Variants in CSGALNACT1 observed in about 807,000 individuals in gnomAD.
The protein encoded by CSGALNACT1 is beta4GalNAcT-1.
Under a neutral mutation model 51.0 loss-of-function variants are expected in CSGALNACT1, and 52 were observed. The ratio of observed to expected loss-of-function variants is 1.02; its 90% CI spans 0.82 to 1.29. CSGALNACT1 has a LOEUF of 1.29. Among genes scored for constraint, CSGALNACT1 ranks in the 50% most tolerant of loss-of-function variants. The pLI is 0.00. For missense variants in CSGALNACT1, 935 were observed against 679.2 expected, an observed-to-expected ratio of 1.38 and a Z score of -4.19; for synonymous variants, 341 against 254.4, an observed-to-expected ratio of 1.34 and a Z score of -3.24.
At chr8:19,465,586 C>T (rs1326315062) in intron 4 of CSGALNACT1, among the ~76,000 whole-genome samples, 1 of 152,222 alleles carries the variant, frequency 6.6e-6, no homozygotes, top group Non-Finnish European at 1.5e-5. Flanking sequence ...GTCTATGCTT[C>T]CACCTTCCCC....
intron 3 of CSGALNACT1, among the ~76,000 whole-genome samples, chr8:19,577,986 A>G (rs2044666966): frequency 1.3e-5 from 2 of 152,292 alleles, no homozygotes; most frequent in South Asian, 2.1e-4. Flanking sequence ...ACTGGATCCC[A>G]TAGGTGTAGC....
chr8:19,441,996 TG>T (rs2061397762), intron 5 of CSGALNACT1, among the ~76,000 whole-genome samples: 1 of 152,082 alleles, frequency 6.6e-6, no homozygotes, highest in South Asian at 2.1e-4. Flanking sequence ...ATCAGAGAAA[TG>T]CAAATCAAAA....
At chr8:19,491,503 T>C (rs898964444) in intron 4 of CSGALNACT1, among the ~76,000 whole-genome samples, 1 of 152,246 alleles carries the variant, frequency 6.6e-6, no homozygotes, top group African/African-American at 2.4e-5. Flanking sequence ...CACCTGCTCC[T>C]AACAATATGT....
chr8:19,640,042 A>T (rs1020710252), intron 1 of CSGALNACT1, among the ~76,000 whole-genome samples: 5 of 151,884 alleles, frequency 3.3e-5, no homozygotes, highest in African/African-American at 1.2e-4. Flanking sequence ...CACCATGCCC[A>T]TTCAACCAAG....
chr8:19,629,253 C>T (rs2054882683), intron 1 of CSGALNACT1, among the ~76,000 whole-genome samples: 1 of 152,192 alleles, frequency 6.6e-6, no homozygotes, highest in Non-Finnish European at 1.5e-5. Context: ...TGAGTTAGGA[C>T]AAAAGTAGGA....
At chr8:19,613,760 T>A (rs973845881) in intron 1 of CSGALNACT1, among the ~76,000 whole-genome samples, 4 of 152,212 alleles carry the variant, frequency 2.6e-5, no homozygotes, top group African/African-American at 9.7e-5. Flanking sequence ...AAAGAGGTAT[T>A]AGCAACTTGC....
At chr8:19,537,675 C>T (rs554720758) in intron 3 of CSGALNACT1, among the ~76,000 whole-genome samples, 2 of 152,290 alleles carry the variant, frequency 1.3e-5, no homozygotes, top group South Asian at 4.1e-4. Flanking sequence ...AGTGATCCTT[C>T]AGTTGACAAA....
At chr8:19,661,122 G>T (rs1238094242) in intron 1 of CSGALNACT1, among the ~76,000 whole-genome samples, 1 of 151,306 alleles carries the variant, frequency 6.6e-6, no homozygotes, top group Non-Finnish European at 1.5e-5. Flanking sequence ...CACCATGTTG[G>T]CCAGGATGGT....
chr8:19,716,792 A>C (rs1398675819), intron 1 of CSGALNACT1, among the ~76,000 whole-genome samples: 1 of 121,356 alleles, frequency 8.2e-6, no homozygotes, highest in Non-Finnish European at 1.8e-5. Context: ...ACTTTTTCTC[A>C]AAAAAAAAAA....
At chr8:19,489,341 T>A (rs2073840778) in intron 4 of CSGALNACT1, among the ~76,000 whole-genome samples, 1 of 152,162 alleles carries the variant, frequency 6.6e-6, no homozygotes, top group Non-Finnish European at 1.5e-5. Context: ...GTGATTATTG[T>A]CATATTGTTA....
intron 1 of CSGALNACT1, among the ~76,000 whole-genome samples, chr8:19,627,174 C>G (rs1216004853): frequency 2.6e-5 from 4 of 152,156 alleles, no homozygotes; most frequent in African/African-American, 9.7e-5. Flanking sequence ...AGTAAACAAA[C>G]TACCATCCAT....
At chr8:19,539,935 G>A (rs1049032938) in intron 3 of CSGALNACT1, among the ~76,000 whole-genome samples, 1 of 152,132 alleles carries the variant, frequency 6.6e-6, no homozygotes, top group African/African-American at 2.4e-5. Context: ...AGAGGAGTTG[G>A]GGTGAGTAGC....
At chr8:19,502,794 C>G (rs1046312713) in intron 4 of CSGALNACT1, among the ~76,000 whole-genome samples, 2 of 152,204 alleles carry the variant, frequency 1.3e-5, no homozygotes, top group African/African-American at 4.8e-5. Flanking sequence ...CCTTCTTTCT[C>G]CTTAACTAGG....
intron 1 of CSGALNACT1, among the ~76,000 whole-genome samples, chr8:19,745,879 A>T (rs765982751): frequency 4.6e-5 from 7 of 152,146 alleles, no homozygotes; most frequent in Non-Finnish European, 1.0e-4. Flanking sequence ...AAGGAATATA[A>T]GTACACATCG....
chr8:19,409,869 T>C (rs181420902), intron 8 of CSGALNACT1, among the ~76,000 whole-genome samples: 62 of 152,112 alleles, frequency 4.1e-4, no homozygotes, highest in African/African-American at 1.4e-3. Flanking sequence ...ATGCATCTAT[T>C]TTTTTTTCCT....
intron 1 of CSGALNACT1, among the ~76,000 whole-genome samples, chr8:19,721,789 T>C (rs1416218281): frequency 6.6e-6 from 1 of 152,210 alleles, no homozygotes; most frequent in Non-Finnish European, 1.5e-5. Context: ...ATATGCAAAT[T>C]AAAACATGCT....
intron 3 of CSGALNACT1, among the ~76,000 whole-genome samples, chr8:19,588,596 G>A (rs150295719): frequency 6.6e-6 from 1 of 152,264 alleles, no homozygotes; most frequent in African/African-American, 2.4e-5. Flanking sequence ...CAGTATTTCA[G>A]GAGCTGGAAA....
At chr8:19,512,544 C>T (rs1343473695) in intron 3 of CSGALNACT1, among the ~76,000 whole-genome samples, 1 of 152,202 alleles carries the variant, frequency 6.6e-6, no homozygotes, top group Non-Finnish European at 1.5e-5. Context: ...CTCAACCATA[C>T]ACTATTTTTC....
intron 6 of CSGALNACT1, among the ~76,000 whole-genome samples, chr8:19,433,833 T>C (rs1398056476): frequency 6.6e-6 from 1 of 152,234 alleles, no homozygotes; most frequent in African/African-American, 2.4e-5. Flanking sequence ...ATTTTATGTG[T>C]GGCCCAACAC....
Sources: gnomAD v4.1 joint callset for allele counts (sites outside exome capture counted in the v4.1 genomes callset) on GRCh38, gnomAD v4.1.1 for gene constraint, MANE v1.5 for transcripts, NCBI Gene and HGNC (gene_info 2026-07-23, HGNC 2026-07-21) for gene names.